The following CLTCL1 variants were observed in gnomAD, a reference collection of about 807,000 sequenced individuals.
CLTCL1 encodes clathrin heavy chain 2.
In CLTCL1, 159 loss-of-function variants were observed where a neutral mutation model predicts 190.0. The observed-to-expected ratio is 0.84, with a 90% CI of 0.74 to 0.95. The LOEUF (loss-of-function observed/expected upper bound fraction) is 0.95, where lower values mean the gene tolerates loss of function less well. Among genes scored for constraint, CLTCL1 ranks in the 40% least tolerant of loss-of-function variants. The pLI, the probability that CLTCL1 is intolerant of heterozygous loss-of-function variation, is 0.00. For missense variants in CLTCL1, 1,878 were observed against 2,033.4 expected, an observed-to-expected ratio of 0.92 and a Z score of 1.47; for synonymous variants, 752 against 769.6, an observed-to-expected ratio of 0.98 and a Z score of 0.38.
intron 27 of CLTCL1, among the ~76,000 whole-genome samples, chr22:19,188,756 G>T (rs1269921993): frequency 1.3e-5 from 2 of 151,408 alleles, no homozygotes; most frequent in Non-Finnish European, 2.9e-5. Context: ...GCTGGGACCA[G>T]GCGCTTGCCA....
At chr22:19,238,508 T>A (rs2086151614) in intron 5 of CLTCL1, 1 of 215,246 alleles carries the variant, frequency 4.6e-6, no homozygotes, top group African/African-American at 2.3e-5. Flanking sequence ...GCACACTTGA[T>A]CCTGTCACGA....
chr22:19,216,809 A>G (rs1265588856), intron 18 of CLTCL1, among the ~76,000 whole-genome samples: 5 of 152,378 alleles, frequency 3.3e-5, no homozygotes, highest in Admixed American at 3.3e-4. Flanking sequence ...TAGGGTGGAA[A>G]GACAGTTTTC....
intron 1 of CLTCL1, among the ~76,000 whole-genome samples, chr22:19,281,222 G>A (rs1303359223): frequency 1.3e-5 from 2 of 151,492 alleles, no homozygotes; most frequent in African/African-American, 4.9e-5. Flanking sequence ...GTGAACCCAG[G>A]AGGCAGAGCT....
At chr22:19,207,952 A>G in intron 22 of CLTCL1, 2 of 704,212 alleles carry the variant, frequency 2.8e-6, no homozygotes, top group South Asian at 3.0e-5. Context: ...ATATATTACA[A>G]TATGATAACA....
chr22:19,223,986 G>A lies in CLTCL1; in HGVS notation c.2197C>T (p.Gln733Ter). The A allele has an allele frequency of 6.2e-7, 1 of 1,613,990 alleles. No individual in the cohort carries two copies. Residue 733 changes from glutamine (Q) to a stop codon, truncating the protein, a stop_gained, in exon 14 of 33, where the codon CAG (glutamine) becomes TAG (stop). Coordinates refer to ENST00000427926, the MANE Select transcript of CLTCL1 (RefSeq NM_007098.4). LOFTEE classifies it high-confidence loss of function. ...ATCTGCCCTGTCTTACAGGCAGCCT[G>A]AATGTATTTCAGATGCACATCTGGG... ...QDPDVHLKYI[Q>*]AACKTGQIKE...
chr22:19,232,929 G>A, intron 9 of CLTCL1: 2 of 564,188 alleles, frequency 3.5e-6, no homozygotes, highest in South Asian at 2.6e-5. Flanking sequence ...GAGAGGGAGA[G>A]AAAAAACAAG....
At chr22:19,260,779 CAAAAAAAAAAAAAAA>C (rs34267370) in intron 2 of CLTCL1, among the ~76,000 whole-genome samples, 3 of 56,924 alleles carry the variant, frequency 5.3e-5, no homozygotes, top group Non-Finnish European at 9.5e-5. Flanking sequence ...AACTCTGTCT[CAAAAAAAAAAAAAAA>C]AAAAAAAAAA....
chr22:19,180,167 A>G, intron 32 of CLTCL1, 32 bp downstream of exon 32: 1 of 1,601,082 alleles, frequency 6.2e-7, no homozygotes, highest in Non-Finnish European at 8.6e-7. Context: ...GCCTGGCTAG[A>G]GGATAAGCTA....
Position 19,219,886 on chromosome 22 carries a change from T to C in CLTCL1, c.2918A>G (p.Gln973Arg). The C allele has an allele frequency of 6.2e-7, 1 of 1,614,096 alleles. No individual in the cohort carries two copies. Among genetic ancestry groups the C allele is most frequent in the Non-Finnish European group, 8.5e-7 (1 of 1,179,910 alleles). ...TNPSRRQLIDQVVQTALSETR... is the reference protein window; with the variant it reads ...TNPSRRQLIDRVVQTALSETR... ...GACATACCCATCTCTGTGCCTCACCTGGTCAATTAGCTGTCTCCTGGATGG... is the reference window on the plus strand; with the variant it reads ...GACATACCCATCTCTGTGCCTCACCCGGTCAATTAGCTGTCTCCTGGATGG... Residue 973 changes from glutamine to arginine, a missense_variant and splice_region_variant, in exon 18 of 33, where the codon CAG (glutamine) becomes CGG (arginine). Physicochemically the swap from Gln to Arg is conservative, Grantham distance 43. Transcript: ENST00000427926.
At chr22:19,249,533 A>G (rs1230652688) in intron 3 of CLTCL1, among the ~76,000 whole-genome samples, 2 of 151,884 alleles carry the variant, frequency 1.3e-5, no homozygotes, top group Non-Finnish European at 2.9e-5. Context: ...TCTCTACTAA[A>G]AACACAAAAA....
chr22:19,280,934 G>T (rs890686249), intron 1 of CLTCL1, among the ~76,000 whole-genome samples: 1 of 151,958 alleles, frequency 6.6e-6, no homozygotes, highest in Non-Finnish European at 1.5e-5. Context: ...GATGGGGTTG[G>T]GGGGAGGAGT....
At chr22:19,208,022 C>T in intron 22 of CLTCL1, 132 bp downstream of exon 22, 1 of 1,036,564 alleles carries the variant, frequency 9.6e-7, no homozygotes, top group Non-Finnish European at 1.5e-6. Flanking sequence ...CCACCCCCGA[C>T]CTGTCTGTGG....
At chr22:19,287,610 C>A (rs1177548491) in intron 1 of CLTCL1, among the ~76,000 whole-genome samples, 1 of 152,022 alleles carries the variant, frequency 6.6e-6, no homozygotes, top group Non-Finnish European at 1.5e-5. Context: ...CACAGGAGGG[C>A]AAGACTAGAA....
At position 19,210,372 on chromosome 22, in the gene CLTCL1, G is replaced by A. The variant is rs1555945769; in HGVS notation, c.3203C>T (p.Ala1068Val). 1.5e-5 allele frequency: 25 copies of A among 1,614,002 alleles called. No homozygotes were observed. Among genetic ancestry groups the A allele is most frequent in the Non-Finnish European group, 2.1e-5 (25 of 1,179,880 alleles). ...IAVSSALYEE[A>V]FTVFHKFDMN... Reference sequence around the variant, plus strand: ...ATCAAACTTGTGGAAAACGGTGAAGGCCTCCTCATACAGTGCGCTGCTGAC... The same window carrying A: ...ATCAAACTTGTGGAAAACGGTGAAGACCTCCTCATACAGTGCGCTGCTGAC... Residue 1068 changes from alanine (A) to valine (V), a missense_variant, in exon 20 of 33, where the codon GCC becomes GTC. Transcript: ENST00000427926.
In CLTCL1 at chr22:19,216,118, C is replaced by A. The variant is rs112938688; in HGVS notation, c.3058G>T (p.Glu1020Ter). ...KIVLDNSVFS[E>*]HRNLQNLLIL... ...CCCCTGGCATAGCCTCACCTGTGCT[C>A]GCTGAAGACAGAGTTATCCAGAACT... The change falls in exon 19 of 33, where the codon GAG becomes TAG. Residue 1020 changes from glutamate (E) to a stop codon, truncating the protein, a stop_gained. Coordinates refer to ENST00000427926, the MANE Select transcript of CLTCL1 (RefSeq NM_007098.4). LOFTEE classifies it high-confidence loss of function. 1 of 1,613,542 alleles carries A rather than the reference C, an allele frequency of 6.2e-7. No homozygotes were observed. Among genetic ancestry groups the A allele is most frequent in the Non-Finnish European group, 8.5e-7 (1 of 1,179,640 alleles).
intron 19 of CLTCL1, among the ~76,000 whole-genome samples, chr22:19,214,910 GC>G (rs2085337993): frequency 6.6e-6 from 1 of 152,120 alleles, no homozygotes; most frequent in Admixed American, 6.6e-5. Flanking sequence ...CAAACTCCTG[GC>G]CTCCCAAAGT....
chr22:19,243,697 C>T lies in CLTCL1; in HGVS notation c.520-761G>A, dbSNP rs113906575. On this transcript the variant is annotated intron_variant, in intron 3 of 32. Transcript: ENST00000427926. Reference sequence around the variant, plus strand: ...GAACTTGTATTTTCTTTCTTTCTTTCTTTTTTTTTTTTTTTTTTGTGATGG... The same window carrying T: ...GAACTTGTATTTTCTTTCTTTCTTTTTTTTTTTTTTTTTTTTTTGTGATGG... 9.4e-3 allele frequency among the ~76,000 whole-genome samples: 1,010 copies of T among 107,912 alleles called. 28 individuals are homozygous for T. The highest frequency in any genetic ancestry group is 0.06 in the East Asian group (196 of 3,286). 70.8% of individuals were successfully genotyped at this position (107,912 alleles called of 152,430 possible).
At chr22:19,217,175 G>A (rs2085410956) in intron 18 of CLTCL1, among the ~76,000 whole-genome samples, 1 of 152,202 alleles carries the variant, frequency 6.6e-6, no homozygotes. Context: ...ACTACAACAA[G>A]GAGGCTGAAG....
chr22:19,189,006 C>T (rs1213387788), intron 27 of CLTCL1, among the ~76,000 whole-genome samples: 4 of 151,878 alleles, frequency 2.6e-5, no homozygotes, highest in Admixed American at 1.3e-4. Flanking sequence ...TGGGTTCAAG[C>T]GATTCTCCTG....
Sources: gnomAD v4.1 joint callset for allele counts (sites outside exome capture counted in the v4.1 genomes callset) on GRCh38, gnomAD v4.1.1 for gene constraint, MANE v1.5 for transcripts, NCBI Gene and HGNC (gene_info 2026-07-23, HGNC 2026-07-21) for gene names.